Variants in SGCG observed in about 807,000 individuals in gnomAD.
SGCG encodes sarcoglycan gamma.
In SGCG, 26 loss-of-function variants were observed where a neutral mutation model predicts 29.3. The observed-to-expected ratio is 0.89, with a 90% CI of 0.65 to 1.23. The LOEUF is 1.23. SGCG is among the 50% of genes most tolerant of loss of function. SGCG has a pLI of 0.00. For synonymous variants in SGCG, 145 were observed against 129.7 expected (o/e 1.12, Z -0.80); for missense variants, 353 against 356.0 (o/e 0.99, Z 0.07).
At chr13:23,274,027 G>T (rs143903506) in intron 4 of SGCG, among the ~76,000 whole-genome samples, 1 of 152,258 alleles carries the variant, frequency 6.6e-6, no homozygotes, top group Non-Finnish European at 1.5e-5. Flanking sequence ...TTTCATAAAG[G>T]TGGTGTCTGT....
At chr13:23,256,485 C>A (rs1041626889) in intron 4 of SGCG, among the ~76,000 whole-genome samples, 6 of 151,938 alleles carry the variant, frequency 3.9e-5, no homozygotes, top group African/African-American at 1.5e-4. Flanking sequence ...CCCATTAACT[C>A]GTCATGTACA....
At chr13:23,189,487 A>T (rs1407612156) in intron 1 of SGCG, among the ~76,000 whole-genome samples, 1 of 152,130 alleles carries the variant, frequency 6.6e-6, no homozygotes, top group African/African-American at 2.4e-5. Context: ...TTTTCCTGAA[A>T]TTTTTTTGGA....
chr13:23,228,683 T>C (rs1245579073), intron 2 of SGCG, among the ~76,000 whole-genome samples: 2 of 152,138 alleles, frequency 1.3e-5, no homozygotes, highest in East Asian at 3.9e-4. Flanking sequence ...TGTGTTCTCA[T>C]TATTTAGCTC....
intron 5 of SGCG, 105 bp from the exon 6 acceptor site, chr13:23,295,310 A>T: frequency 1.0e-6 from 1 of 995,656 alleles, no homozygotes; most frequent in South Asian, 1.3e-5. Flanking sequence ...ATTCTGCAAG[A>T]AAGAACAAAA....
intron 2 of SGCG, among the ~76,000 whole-genome samples, chr13:23,230,711 A>G (rs944222295): frequency 7.2e-5 from 11 of 152,222 alleles, no homozygotes; most frequent in African/African-American, 2.7e-4. Context: ...TTCTCAATAT[A>G]GAATCATGTC....
At chr13:23,234,332 A>ATTTT (rs1879224526) in intron 2 of SGCG, among the ~76,000 whole-genome samples, 2 of 152,114 alleles carry the variant, frequency 1.3e-5, no homozygotes, top group Admixed American at 6.6e-5. Context: ...TTTTTTTAAA[A>ATTTT]AAATGGATTC....
At chr13:23,262,811 CA>C (rs1880495148) in intron 4 of SGCG, among the ~76,000 whole-genome samples, 1 of 151,976 alleles carries the variant, frequency 6.6e-6, no homozygotes, top group Non-Finnish European at 1.5e-5. Flanking sequence ...AGTATCTTCT[CA>C]GACCACAGCA....
intron 4 of SGCG, among the ~76,000 whole-genome samples, chr13:23,277,728 T>A (rs1881140314): frequency 6.8e-6 from 1 of 147,576 alleles, no homozygotes; most frequent in African/African-American, 2.5e-5. Flanking sequence ...AGAGGTAGTC[T>A]CACTCTGTCG....
chr13:23,162,217 T>TAC, the SGCG span, among the ~76,000 whole-genome samples: 1 of 152,252 alleles, frequency 6.6e-6, no homozygotes, highest in Non-Finnish European at 1.5e-5. Flanking sequence ...TAAATATGTA[T>TAC]ACACATATAT....
chr13:23,267,144 A>C (rs1243112789), intron 4 of SGCG, among the ~76,000 whole-genome samples: 2 of 152,184 alleles, frequency 1.3e-5, no homozygotes, highest in African/African-American at 4.8e-5. Context: ...CTTAAATATG[A>C]GACACACCCA....
chr13:23,238,987 G>T (rs1028459870), intron 3 of SGCG, among the ~76,000 whole-genome samples: 2 of 152,176 alleles, frequency 1.3e-5, no homozygotes, highest in East Asian at 3.9e-4. Context: ...ACAATGTCAA[G>T]GGGCTTTATG....
chr13:23,181,936 C>T (rs1004283358), intron 1 of SGCG, among the ~76,000 whole-genome samples: 3 of 152,142 alleles, frequency 2.0e-5, no homozygotes, highest in Non-Finnish European at 4.4e-5. Context: ...TTTGTAGGTA[C>T]AAAAAGGCAC....
intron 4 of SGCG, among the ~76,000 whole-genome samples, chr13:23,271,424 T>G (rs1265320778): frequency 3.3e-5 from 5 of 152,090 alleles, no homozygotes; most frequent in African/African-American, 1.2e-4. Flanking sequence ...AAAAAAAAAT[T>G]GCAAATTAAT....
At chr13:23,193,555 C>T (rs1009906406) in intron 1 of SGCG, among the ~76,000 whole-genome samples, 6 of 152,058 alleles carry the variant, frequency 3.9e-5, no homozygotes, top group African/African-American at 1.4e-4. Flanking sequence ...ACTCATGCTT[C>T]TGAGATGATC....
chr13:23,184,069 T>C (rs1295546212), intron 1 of SGCG, among the ~76,000 whole-genome samples: 1 of 152,238 alleles, frequency 6.6e-6, no homozygotes, highest in African/African-American at 2.4e-5. Context: ...CATTTGAAAG[T>C]CACTTTAAAT....
intron 1 of SGCG, among the ~76,000 whole-genome samples, chr13:23,187,544 A>C (rs1877032108): frequency 6.6e-6 from 1 of 152,062 alleles, no homozygotes; most frequent in Admixed American, 6.5e-5. Context: ...CCTTCTGTGG[A>C]TTGCACCCAC....
chr13:23,223,248 G>C (rs754847140), intron 2 of SGCG, among the ~76,000 whole-genome samples: 4 of 133,376 alleles, frequency 3.0e-5, no homozygotes, highest in Non-Finnish European at 6.1e-5. Context: ...ACTGACTCCA[G>C]CCTGGGCGAC....
chr13:23,289,597 T>C (rs1280625428), intron 5 of SGCG, among the ~76,000 whole-genome samples: 2 of 151,068 alleles, frequency 1.3e-5, no homozygotes, highest in African/African-American at 4.9e-5. Context: ...TTATTGTTTA[T>C]AACATAATTT....
intron 6 of SGCG, among the ~76,000 whole-genome samples, chr13:23,309,393 C>T (rs1421707312): frequency 2.0e-5 from 3 of 152,078 alleles, no homozygotes; most frequent in Admixed American, 6.6e-5. Context: ...AGATGCACAC[C>T]ACCATACCCA....
Sources: gnomAD v4.1 joint callset for allele counts (sites outside exome capture counted in the v4.1 genomes callset) on GRCh38, gnomAD v4.1.1 for gene constraint, MANE v1.5 for transcripts, NCBI Gene and HGNC (gene_info 2026-07-23, HGNC 2026-07-21) for gene names.